CAMKMT: variants seen among roughly 807,000 people sequenced by gnomAD.
The protein encoded by CAMKMT is calmodulin-lysine N-methyltransferase.
Under a neutral mutation model 48.0 loss-of-function variants are expected in CAMKMT, and 53 were observed. That is an observed-to-expected ratio of 1.10 (90% CI 0.89 to 1.39). The LOEUF (loss-of-function observed/expected upper bound fraction) is 1.39, where lower values mean the gene tolerates loss of function less well. CAMKMT is among the 40% of genes most tolerant of loss of function. The probability of loss-of-function intolerance (pLI) is 0.00; values close to 1 mark genes in which losing one functional copy is unlikely to be tolerated. For missense variants in CAMKMT, 428 were observed against 402.7 expected (o/e 1.06, Z -0.54); for synonymous variants, 165 against 152.3 (o/e 1.08, Z -0.61).
At chr2:44,412,516 T>C (rs897818683) in intron 3 of CAMKMT, among the ~76,000 whole-genome samples, 2 of 151,978 alleles carry the variant, frequency 1.3e-5, no homozygotes, top group African/African-American at 4.8e-5. Flanking sequence ...TTTGTATTTT[T>C]AGTAGAGACA....
chr2:44,543,044 G>A (rs914087628), intron 3 of CAMKMT, among the ~76,000 whole-genome samples: 2 of 152,116 alleles, frequency 1.3e-5, no homozygotes, highest in South Asian at 2.1e-4. Context: ...GCAAATTATC[G>A]TTTACTAGTA....
intron 3 of CAMKMT, among the ~76,000 whole-genome samples, chr2:44,585,882 A>G (rs1669830615): frequency 6.6e-6 from 1 of 152,212 alleles, no homozygotes; most frequent in African/African-American, 2.4e-5. Context: ...GAGTGTGTAA[A>G]GGGGAATATG....
intron 3 of CAMKMT, among the ~76,000 whole-genome samples, chr2:44,699,267 A>C (rs935434435): frequency 5.3e-5 from 8 of 152,194 alleles, no homozygotes; most frequent in Admixed American, 3.9e-4. Flanking sequence ...TGGCAGCTAT[A>C]TCCTTATGAA....
At chr2:44,635,365 A>C (rs1303764680) in intron 3 of CAMKMT, among the ~76,000 whole-genome samples, 4 of 152,206 alleles carry the variant, frequency 2.6e-5, no homozygotes, top group Admixed American at 2.0e-4. Context: ...CCAGCCTATA[A>C]AAATTTCACA....
At chr2:44,762,048 T>A (rs1680642820) in intron 9 of CAMKMT, among the ~76,000 whole-genome samples, 1 of 152,004 alleles carries the variant, frequency 6.6e-6, no homozygotes, top group South Asian at 2.1e-4. Flanking sequence ...AAGAATTAGA[T>A]GGAACGTGAT....
intron 3 of CAMKMT, among the ~76,000 whole-genome samples, chr2:44,584,850 C>G (rs1229076116): frequency 6.6e-6 from 1 of 151,934 alleles, no homozygotes; most frequent in Non-Finnish European, 1.5e-5. Flanking sequence ...GTCAGGAGAT[C>G]AAGACTATCC....
intron 3 of CAMKMT, among the ~76,000 whole-genome samples, chr2:44,469,094 G>A (rs1292225299): frequency 6.6e-6 from 1 of 151,944 alleles, no homozygotes; most frequent in Non-Finnish European, 1.5e-5. Context: ...TAGATGAGAG[G>A]AATCAGTTCT....
chr2:44,591,639 G>C (rs996374443), intron 3 of CAMKMT, among the ~76,000 whole-genome samples: 1 of 151,908 alleles, frequency 6.6e-6, no homozygotes, highest in Non-Finnish European at 1.5e-5. Context: ...TTCAACCATT[G>C]TGGAAGTCAG....
intron 3 of CAMKMT, among the ~76,000 whole-genome samples, chr2:44,564,435 A>C (rs943870188): frequency 2.0e-5 from 3 of 152,140 alleles, no homozygotes; most frequent in African/African-American, 7.2e-5. Flanking sequence ...TCGGCCTCCC[A>C]AAGTGCTGTT....
rs150516880 is a variant in CAMKMT at position 44,434,882 on chromosome 2, A to G, written c.376+44577A>G. On this transcript the variant is annotated intron_variant, in intron 3 of 10. Coordinates refer to ENST00000378494, the MANE Select transcript of CAMKMT (RefSeq NM_024766.5). ...TGCATATATTAAACTAGGACCCTAA[A>G]TGAAAATATCAGAGTAGCATGTTAA... Among the ~76,000 whole-genome samples the G allele has an allele frequency of 2.4e-4, 36 of 152,358 alleles. 1 individual carries two copies. The East Asian group carries it at 2.7e-3, about 11-fold the overall frequency.
At chr2:44,688,493 CATACATATAT>C (rs1558797184) in intron 3 of CAMKMT, among the ~76,000 whole-genome samples, 2 of 149,908 alleles carry the variant, frequency 1.3e-5, no homozygotes, top group Middle Eastern at 3.5e-3. Flanking sequence ...TATATATACA[CATACATATAT>C]ATACATATAT....
At chr2:44,371,049 A>G (rs1452615587) in intron 1 of CAMKMT, among the ~76,000 whole-genome samples, 1 of 152,180 alleles carries the variant, frequency 6.6e-6, no homozygotes, top group Non-Finnish European at 1.5e-5. Flanking sequence ...CAATGGCACA[A>G]TCTCGGCTTA....
chr2:44,652,934 G>A (rs370330228), intron 3 of CAMKMT, among the ~76,000 whole-genome samples: 1 of 152,194 alleles, frequency 6.6e-6, no homozygotes, highest in East Asian at 1.9e-4. Flanking sequence ...TTTGCCATCT[G>A]GCTGGTTGCC....
rs144080085 is a variant in CAMKMT at position 44,386,390 on chromosome 2, G to A, written c.312-3851G>A. Among the ~76,000 whole-genome samples, 168 of 152,062 alleles carry A rather than the reference G, an allele frequency of 1.1e-3. 1 individual carries two copies. Among genetic ancestry groups the A allele is most frequent in the Non-Finnish European group, 2.2e-3 (148 of 67,952 alleles). ...TCCTGTTTCCTAGTGAGGTTATTTG[G>A]ATTTTCTCTCTTCTTTTCTTGGTTA... is the stretch of plus-strand genomic sequence containing the variant. On this transcript the variant is annotated intron_variant, in intron 2 of 10. Transcript: ENST00000378494.
At chr2:44,574,979 C>G (rs1007680018) in intron 3 of CAMKMT, among the ~76,000 whole-genome samples, 13 of 152,068 alleles carry the variant, frequency 8.5e-5, no homozygotes, top group Non-Finnish European at 1.9e-4. Flanking sequence ...TGGTCTCGAA[C>G]TCCTGACCTC....
chr2:44,385,087 C>T (rs564306175), intron 2 of CAMKMT, among the ~76,000 whole-genome samples: 6 of 152,116 alleles, frequency 3.9e-5, no homozygotes, highest in Non-Finnish European at 8.8e-5. Context: ...GTCATTTTCA[C>T]CATATTGATT....
chr2:44,739,711 G>T (rs142534421), intron 7 of CAMKMT, among the ~76,000 whole-genome samples: 1 of 152,306 alleles, frequency 6.6e-6, no homozygotes, highest in Non-Finnish European at 1.5e-5. Flanking sequence ...GGGGACAAAA[G>T]CCTGGCTGGA....
chr2:44,504,145 G>A lies in CAMKMT; in HGVS notation c.376+113840G>A, dbSNP rs186206771. On this transcript the variant is annotated intron_variant, in intron 3 of 10. Transcript: ENST00000378494. ...CCTATCTTCAAATACCATCACATTA[G>A]GGATTAGGGTTTCAACATATTAATT... Among the ~76,000 whole-genome samples, 17 of 152,158 alleles carry A rather than the reference G, an allele frequency of 1.1e-4. No homozygotes were observed. The East Asian group carries it at 1.9e-3, about 17-fold the overall frequency.
At chr2:44,746,993 A>G (rs1182771368) in intron 8 of CAMKMT, among the ~76,000 whole-genome samples, 1 of 152,230 alleles carries the variant, frequency 6.6e-6, no homozygotes, top group African/African-American at 2.4e-5. Flanking sequence ...GCAAAAATAG[A>G]AATGACTCTG....
Sources: gnomAD v4.1 joint callset for allele counts (sites outside exome capture counted in the v4.1 genomes callset) on GRCh38, gnomAD v4.1.1 for gene constraint, MANE v1.5 for transcripts, NCBI Gene and HGNC (gene_info 2026-07-23, HGNC 2026-07-21) for gene names.